SLC4A4: variants seen among roughly 807,000 people sequenced by gnomAD.
The protein encoded by SLC4A4 is electrogenic sodium bicarbonate cotransporter 1.
A neutral mutation model predicts 111.5 loss-of-function variants in SLC4A4; 27 were observed. The observed-to-expected ratio is 0.24, with a 90% CI of 0.18 to 0.33. The LOEUF is 0.33. SLC4A4 is among the 10% of genes least tolerant of loss of function. SLC4A4 has a pLI of 1.00. For synonymous variants in SLC4A4, 443 were observed against 463.4 expected (o/e 0.96, Z 0.57); for missense variants, 909 against 1,315.5 (o/e 0.69, Z 4.78).
intron 3 of SLC4A4, among the ~76,000 whole-genome samples, chr4:71,329,559 A>G (rs1330853050): frequency 6.6e-6 from 1 of 151,930 alleles, no homozygotes; most frequent in East Asian, 1.9e-4. Flanking sequence ...GTTCTTAAGT[A>G]TCTTATTTTA....
chr4:71,442,811 G>A (rs1235968073), intron 8 of SLC4A4, among the ~76,000 whole-genome samples: 1 of 151,840 alleles, frequency 6.6e-6, no homozygotes, highest in Non-Finnish European at 1.5e-5. Context: ...TAGGAAATAT[G>A]GCTCTAGCAG....
At chr4:71,393,896 A>G (rs1359337506) in intron 6 of SLC4A4, among the ~76,000 whole-genome samples, 1 of 152,186 alleles carries the variant, frequency 6.6e-6, no homozygotes, top group African/African-American at 2.4e-5. Context: ...AAAGCAAACA[A>G]AAACATAAAG....
intron 1 of SLC4A4, among the ~76,000 whole-genome samples, chr4:71,085,462 A>G (rs2148936925): frequency 6.6e-6 from 1 of 152,144 alleles, no homozygotes; most frequent in African/African-American, 2.4e-5. Context: ...TTGGTGTTTT[A>G]GTCATGAAGT....
At chr4:71,120,538 G>A (rs981414067) in intron 2 of SLC4A4, among the ~76,000 whole-genome samples, 14 of 152,132 alleles carry the variant, frequency 9.2e-5, no homozygotes, top group East Asian at 1.9e-4. Context: ...CCTGGTAATC[G>A]CTTTATATCT....
rs1378456314 is a variant in SLC4A4 at position 71,486,943 on chromosome 4, T to C, written c.1904-5T>C. ...TAGTATAAAATAATTATCTTTTGCTTACAGCTAATATCTCAATATCTAATG... is the reference window on the plus strand; with the variant it reads ...TAGTATAAAATAATTATCTTTTGCTCACAGCTAATATCTCAATATCTAATG... On this transcript the variant is annotated splice_polypyrimidine_tract_variant and splice_region_variant and intron_variant, in intron 14 of 25. Transcript: ENST00000264485. 6.3e-7 allele frequency: 1 copy of C among 1,579,320 alleles called. No homozygotes were observed. The highest frequency in any genetic ancestry group is 1.7e-5 in the Admixed American group (1 of 59,556).
chr4:71,175,626 G>T (rs1745067617), intron 2 of SLC4A4, among the ~76,000 whole-genome samples: 1 of 152,232 alleles, frequency 6.6e-6, no homozygotes, highest in Admixed American at 6.5e-5. Flanking sequence ...CAGCGAGGCT[G>T]GGGGAGGGGC....
intron 7 of SLC4A4, among the ~76,000 whole-genome samples, chr4:71,424,771 C>G (rs1183673800): frequency 6.6e-6 from 1 of 151,946 alleles, no homozygotes; most frequent in African/African-American, 2.4e-5. Context: ...TATTCTCACT[C>G]ATAGGTGGGA....
chr4:71,149,315 A>T (rs1196798172), intron 2 of SLC4A4, among the ~76,000 whole-genome samples: 1 of 152,176 alleles, frequency 6.6e-6, no homozygotes, highest in Admixed American at 6.5e-5. Flanking sequence ...GAGAAAAAAA[A>T]TTATAAGAAG....
intron 1 of SLC4A4, among the ~76,000 whole-genome samples, chr4:71,085,529 A>G (rs904115299): frequency 5.9e-5 from 9 of 151,954 alleles, no homozygotes; most frequent in Non-Finnish European, 2.9e-5. Context: ...TAGGGTTTTT[A>G]TGGTTTTAGG....
intron 2 of SLC4A4, among the ~76,000 whole-genome samples, chr4:71,140,708 C>T (rs1005325645): frequency 2.6e-5 from 4 of 152,148 alleles, no homozygotes; most frequent in African/African-American, 9.7e-5. Context: ...TCTCTTATTT[C>T]CTTCCTCATC....
At chr4:71,270,554 T>C (rs1722635904) in intron 3 of SLC4A4, among the ~76,000 whole-genome samples, 1 of 152,196 alleles carries the variant, frequency 6.6e-6, no homozygotes, top group Admixed American at 6.5e-5. Context: ...ACATTTGACC[T>C]CCTGGAATAA....
At chr4:71,513,546 T>C (rs1324593771) in intron 16 of SLC4A4, among the ~76,000 whole-genome samples, 6 of 152,174 alleles carry the variant, frequency 3.9e-5, no homozygotes, top group Admixed American at 1.3e-4. Context: ...TGGGGTTTTA[T>C]TAGATGTAAG....
chr4:71,137,402 G>T (rs1743874603), intron 2 of SLC4A4, among the ~76,000 whole-genome samples: 1 of 152,180 alleles, frequency 6.6e-6, no homozygotes, highest in African/African-American at 2.4e-5. Flanking sequence ...CTATGGCATG[G>T]AAAGTGGTGC....
chr4:71,301,095 G>A lies in SLC4A4; in HGVS notation c.254-38275G>A, dbSNP rs116454721. 3.7e-3 allele frequency: 1,425 copies of A among 386,652 alleles called. 13 individuals carry two copies. Among genetic ancestry groups the A allele is most frequent in the African/African-American group, 0.017 (839 of 48,654 alleles). 24.0% of individuals were successfully genotyped at this position (386,652 alleles called of 1,614,324 possible). On this transcript the variant is annotated intron_variant, in intron 3 of 25. Coordinates refer to ENST00000264485, the MANE Select transcript of SLC4A4 (RefSeq NM_001098484.3). ...CTCCACAGCTGAGGAGGGCTGGAAG[G>A]ACACCTGGCTGTCCACATGGCACAG...
chr4:71,306,354 G>A lies in SLC4A4; in HGVS notation c.254-33016G>A, dbSNP rs192399213. ...TCCCAGCACTTTGGGAGGCTGAGGC[G>A]GGTGGATCATGAGGTCAAGAGATTG... is the stretch of plus-strand genomic sequence containing the variant. On this transcript the variant is annotated intron_variant, in intron 3 of 25. Coordinates refer to ENST00000264485, the MANE Select transcript of SLC4A4 (RefSeq NM_001098484.3). Among the ~76,000 whole-genome samples, 47 of 152,208 alleles carry A rather than the reference G, an allele frequency of 3.1e-4. No individual in the cohort carries two copies. The East Asian group carries it at 5.8e-3, about 19-fold the overall frequency.
At chr4:71,480,790 A>C (rs7681787) in intron 14 of SLC4A4, among the ~76,000 whole-genome samples, 2,477 of 151,872 alleles carry the variant, frequency 0.016, 67 homozygotes, top group African/African-American at 0.054. Flanking sequence ...TGTAACCCTA[A>C]GAAGCCATGT....
chr4:71,269,808 G>A (rs888498512), intron 3 of SLC4A4, among the ~76,000 whole-genome samples: 2 of 152,278 alleles, frequency 1.3e-5, no homozygotes, highest in Middle Eastern at 6.8e-3. Context: ...AAGACCATAG[G>A]TTTGGAATCG....
chr4:71,458,562 A>G (rs1028638668), intron 12 of SLC4A4, among the ~76,000 whole-genome samples: 3 of 152,072 alleles, frequency 2.0e-5, no homozygotes, highest in African/African-American at 7.2e-5. Flanking sequence ...ATATTTATGG[A>G]GCTTAACAGA....
intron 3 of SLC4A4, among the ~76,000 whole-genome samples, chr4:71,273,322 A>G (rs966063307): frequency 1.3e-5 from 2 of 152,206 alleles, no homozygotes; most frequent in African/African-American, 4.8e-5. Context: ...ATATGCAAGT[A>G]CTTTTAAATC....
Sources: allele counts gnomAD v4.1 joint callset (sites outside exome capture counted in the v4.1 genomes callset), GRCh38; gene constraint gnomAD v4.1.1; transcripts MANE v1.5; gene names NCBI Gene and HGNC (gene_info 2026-07-23, HGNC 2026-07-21).